Variants in EPB41L1 observed in about 807,000 individuals in gnomAD.
The protein encoded by EPB41L1 is band 4.1-like protein 1.
Under a neutral mutation model 97.8 loss-of-function variants are expected in EPB41L1, and 29 were observed. The observed-to-expected ratio is 0.30, with a 90% confidence interval of 0.22 to 0.40. The LOEUF is 0.40. Ranked by LOEUF, EPB41L1 falls within the 10% of genes least tolerant of loss-of-function variation. EPB41L1 has a pLI of 1.00. For synonymous variants in EPB41L1, 383 were observed against 459.2 expected (o/e 0.83, Z 2.12); for missense variants, 812 against 1,162.3 (o/e 0.70, Z 4.38).
chr20:36,190,173 G>A lies in EPB41L1; in HGVS notation c.1027-104G>A, dbSNP rs542043945. 2 of 941,616 alleles carry A rather than the reference G, an allele frequency of 2.1e-6. No homozygotes were observed. Among genetic ancestry groups the A allele is most frequent in the Non-Finnish European group, 1.7e-6 (1 of 593,470 alleles). The allele number at this position is 941,616 out of a possible 1,614,324, so 58.3% of individuals were successfully genotyped here. On this transcript the variant is annotated intron_variant, in intron 9 of 21. Transcript: ENST00000338074. The surrounding 1 kb of genome is among the most constrained non-coding windows in gnomAD (Gnocchi z 5.8). ...CCTGGGCAAATGATCGAGACCCTGT[G>A]TCTCAAAAAAACATTAAACAAATAA...
Position 36,206,874 on chromosome 20 carries a change from G to C in EPB41L1, c.1669-2614G>C, listed in dbSNP as rs545742813. 1 of 1,289,938 alleles carries C rather than the reference G, an allele frequency of 7.8e-7. No individual in the cohort carries two copies. The highest frequency in any genetic ancestry group is 2.3e-5 in the Admixed American group (1 of 43,574). The allele number at this position is 1,289,938 out of a possible 1,614,324, so 79.9% of individuals were successfully genotyped here. A position where few individuals can be genotyped will look rare whatever the true frequency, so the allele number is the denominator to read the frequency against. On this transcript the variant is annotated intron_variant, in intron 14 of 21. Coordinates refer to ENST00000338074, the MANE Select transcript of EPB41L1 (RefSeq NM_012156.2). The surrounding 1 kb of genome is among the most constrained non-coding windows in gnomAD (Gnocchi z 5.5). ...AAAGTCCCACAGAGGAACTGAAGAA[G>C]CACCCTCCTCACAGAGGACAGGGCG...
chr20:36,118,815 A>G (rs750751920), intron 2 of EPB41L1, among the ~76,000 whole-genome samples: 2 of 152,202 alleles, frequency 1.3e-5, no homozygotes, highest in African/African-American at 2.4e-5. Flanking sequence ...ATATAAGAAC[A>G]TCTTATAAAG....
chr20:36,132,301 A>G (rs1470453474), intron 2 of EPB41L1, among the ~76,000 whole-genome samples: 2 of 152,056 alleles, frequency 1.3e-5, no homozygotes, highest in African/African-American at 4.8e-5. Context: ...CCAGCTCTCC[A>G]GGCCACCCAC....
At chr20:36,143,908 A>C (rs1286290336) in intron 2 of EPB41L1, among the ~76,000 whole-genome samples, 1 of 150,442 alleles carries the variant, frequency 6.6e-6, no homozygotes, top group Non-Finnish European at 1.5e-5. Context: ...GCTGGAGTGC[A>C]GTGGCGCGAT....
chr20:36,113,774 A>G (rs2058498104), intron 2 of EPB41L1: 1 of 152,558 alleles, frequency 6.6e-6, no homozygotes, highest in Admixed American at 6.6e-5. Context: ...ATTTGGGCAA[A>G]TGTGTGGGGA....
chr20:36,178,722 G>A, intron 5 of EPB41L1, 50 bp downstream of exon 5: 9 of 1,579,208 alleles, frequency 5.7e-6, no homozygotes, highest in Non-Finnish European at 7.8e-6. Flanking sequence ...GGGATTCCAG[G>A]CCATGAGAGC....
chr20:36,216,197 G>A (rs2063431737), intron 17 of EPB41L1, among the ~76,000 whole-genome samples: 1 of 152,196 alleles, frequency 6.6e-6, no homozygotes, highest in South Asian at 2.1e-4. Context: ...GCTCTGCCAG[G>A]AGGAGCCAGG....
chr20:36,187,883 G>A, intron 8 of EPB41L1, 120 bp downstream of exon 8: 2 of 808,120 alleles, frequency 2.5e-6, no homozygotes, highest in Non-Finnish European at 4.2e-6. Context: ...AACCTTTTCT[G>A]TTCTCATTCT....
intron 5 of EPB41L1, 148 bp downstream of exon 5, chr20:36,178,820 G>A (rs2061358360): frequency 4.5e-6 from 4 of 898,328 alleles, no homozygotes; most frequent in Non-Finnish European, 7.4e-6. Context: ...ACTTTGCGAG[G>A]CTAAGGCGGG....
intron 1 of EPB41L1, among the ~76,000 whole-genome samples, chr20:36,168,654 T>TGAGTAGCTGGGATTACAGCCTCCC (rs1205712478): frequency 1.3e-5 from 2 of 151,690 alleles, no homozygotes; most frequent in African/African-American, 4.8e-5. Context: ...CTCAGCCTCC[T>TGAGTAGCTGGGATTACAGCCTCCC]GAGTAGCTGG....
intron 2 of EPB41L1, among the ~76,000 whole-genome samples, chr20:36,144,975 C>T (rs949984998): frequency 1.3e-5 from 2 of 152,174 alleles, no homozygotes; most frequent in Admixed American, 1.3e-4. Context: ...GTATACATCA[C>T]TCTGGAGCCA....
chr20:36,219,247 C>T (rs963784032), intron 18 of EPB41L1, among the ~76,000 whole-genome samples: 2 of 152,206 alleles, frequency 1.3e-5, no homozygotes, highest in African/African-American at 4.8e-5. Context: ...TCTTTTGCAT[C>T]TGCCCTCCCT....
chr20:36,177,136 T>C (rs2061275371), intron 3 of EPB41L1, among the ~76,000 whole-genome samples: 1 of 152,142 alleles, frequency 6.6e-6, no homozygotes, highest in African/African-American at 2.4e-5. Flanking sequence ...TCAGGCTTGG[T>C]CCCGAGGGCC....
chr20:36,171,077 G>A (rs751181506), intron 1 of EPB41L1, among the ~76,000 whole-genome samples: 2 of 152,118 alleles, frequency 1.3e-5, no homozygotes, highest in African/African-American at 2.4e-5. Flanking sequence ...GGGCCCACAA[G>A]GGGTCATGTG....
At chr20:36,169,953 C>T (rs1231403475) in intron 1 of EPB41L1, among the ~76,000 whole-genome samples, 1 of 152,222 alleles carries the variant, frequency 6.6e-6, no homozygotes, top group African/African-American at 2.4e-5. Flanking sequence ...CCAGGGGCCA[C>T]TACAGTGCCT....
At chr20:36,162,061 G>A (rs1437004211) in intron 1 of EPB41L1, among the ~76,000 whole-genome samples, 1 of 152,198 alleles carries the variant, frequency 6.6e-6, no homozygotes, top group Non-Finnish European at 1.5e-5. Flanking sequence ...ACCACACCCT[G>A]CCTATCTCAT....
At chr20:36,115,125 A>G (rs1393225262) in intron 2 of EPB41L1, among the ~76,000 whole-genome samples, 1 of 152,196 alleles carries the variant, frequency 6.6e-6, no homozygotes, top group Non-Finnish European at 1.5e-5. Context: ...TTTAACTGTC[A>G]TGACAGTCTT....
chr20:36,228,932 G>A (rs1043575550), intron 21 of EPB41L1, among the ~76,000 whole-genome samples: 2 of 151,886 alleles, frequency 1.3e-5, no homozygotes. Flanking sequence ...CACATTGTCA[G>A]GCCAAAGTAA....
chr20:36,104,404 C>T (rs2058122280), intron 1 of EPB41L1, among the ~76,000 whole-genome samples: 2 of 152,152 alleles, frequency 1.3e-5, no homozygotes, highest in African/African-American at 4.8e-5. Context: ...GGCATAGGGT[C>T]GGCACCCCGG....
Sources: allele counts gnomAD v4.1 joint callset (sites outside exome capture counted in the v4.1 genomes callset), GRCh38; gene constraint gnomAD v4.1.1; non-coding constraint Gnocchi (gnomAD v3.1); transcripts MANE v1.5; gene names NCBI Gene and HGNC (gene_info 2026-07-23, HGNC 2026-07-21).